Variants in GCNT1 observed in about 807,000 individuals in gnomAD.
GCNT1 encodes beta-1,3-galactosyl-O-glycosyl-glycoprotein beta-1,6-N-acetylglucosaminyltransferase.
Under a neutral mutation model 26.2 loss-of-function variants are expected in GCNT1, and 16 were observed. The observed-to-expected ratio is 0.61, with a 90% CI of 0.41 to 0.93. GCNT1 has a LOEUF of 0.93. Among genes scored for constraint, GCNT1 ranks in the 40% least tolerant of loss-of-function variants. The pLI, the probability that GCNT1 is intolerant of heterozygous loss-of-function variation, is 0.00. For synonymous variants in GCNT1, 183 were observed against 190.8 expected (o/e 0.96, Z 0.34); for missense variants, 477 against 526.7 (o/e 0.91, Z 0.92).
In GCNT1 at chr9:76,506,759, TTA is replaced by T. The variant is rs1389508432; in HGVS notation, c.*3093_*3094del. On this transcript the variant is annotated 3_prime_UTR_variant, in exon 4 of 4. Coordinates refer to ENST00000376730, the MANE Select transcript of GCNT1 (RefSeq NM_001490.5). ...AGTGTTGTTGTTTCTAAACATATAT[TTA>T]TGTCATTTATTAAGTACAGTTCACT... 1 of 167,072 alleles carries T rather than the reference TTA, an allele frequency of 6.0e-6. No homozygotes were observed. Among genetic ancestry groups the T allele is most frequent in the Non-Finnish European group, 1.5e-5 (1 of 68,114 alleles). 10.3% of individuals were successfully genotyped at this position (167,072 alleles called of 1,614,324 possible).
At chr9:76,432,570 G>C (rs1460537078) in intron 1 of GCNT1, among the ~76,000 whole-genome samples, 1 of 152,102 alleles carries the variant, frequency 6.6e-6, no homozygotes, top group African/African-American at 2.4e-5. Context: ...GAACTCCTGA[G>C]CCTAGGTGAT....
intron 2 of GCNT1, among the ~76,000 whole-genome samples, chr9:76,488,657 G>A (rs1335504817): frequency 1.3e-5 from 2 of 151,998 alleles, no homozygotes; most frequent in African/African-American, 4.8e-5. Context: ...GCTAATTTTT[G>A]TACTTTTAGT....
At chr9:76,398,883 C>T in the GCNT1 span, 3 of 1,531,578 alleles carry the variant, frequency 2.0e-6, no homozygotes, top group Non-Finnish European at 2.7e-6. Context: ...CTGCTGGCAG[C>T]TAGTGCTATT....
At chr9:76,471,457 C>T (rs547242139) in intron 2 of GCNT1, among the ~76,000 whole-genome samples, 20 of 152,282 alleles carry the variant, frequency 1.3e-4, no homozygotes, top group African/African-American at 4.8e-4. Flanking sequence ...CGCTTGACTT[C>T]CACAAACCCC....
upstream of GCNT1, among the ~76,000 whole-genome samples, chr9:76,454,589 C>T (rs1823722641): frequency 6.6e-6 from 1 of 150,976 alleles, no homozygotes. Flanking sequence ...CCCCATAATC[C>T]CCACGTGGTG....
At chr9:76,400,398 G>A in the GCNT1 span, among the ~76,000 whole-genome samples, 7 of 152,270 alleles carry the variant, frequency 4.6e-5, 2 homozygotes, top group Admixed American at 4.6e-4. Context: ...CTGCACAGGT[G>A]TAGCCAACTC....
chr9:76,490,151 A>G (rs549782147), intron 2 of GCNT1, among the ~76,000 whole-genome samples: 4 of 152,318 alleles, frequency 2.6e-5, no homozygotes, highest in African/African-American at 9.6e-5. Context: ...CTTTTCCTCT[A>G]AGTGCCGGGC....
chr9:76,486,900 A>G (rs1043841386), intron 2 of GCNT1, among the ~76,000 whole-genome samples: 2 of 150,490 alleles, frequency 1.3e-5, no homozygotes, highest in African/African-American at 4.9e-5. Context: ...CAATGGTGAG[A>G]CCCTCATCTC....
At chr9:76,484,786 C>CTTTTTTTTTT (rs33956720) in intron 2 of GCNT1, among the ~76,000 whole-genome samples, 5 of 126,190 alleles carry the variant, frequency 4.0e-5, no homozygotes, top group Non-Finnish European at 6.6e-5. Context: ...ACCATGATTG[C>CTTTTTTTTTT]TTTTTTTTTT....
chr9:76,502,609 G>C lies in GCNT1; in HGVS notation c.228G>C (p.Glu76Asp). 6.2e-7 allele frequency: 1 copy of C among 1,613,824 alleles called. No homozygotes were observed. The highest frequency in any genetic ancestry group is 8.5e-7 in the Non-Finnish European group (1 of 1,179,860). ...ATGAAATCCAAAAGGTAAAGCTTGA[G>C]ATCCTAACAGTGAAATTTAAAAAGC... ...DVNEIQKVKLEILTVKFKKRP... is the reference protein window; with the variant it reads ...DVNEIQKVKLDILTVKFKKRP... Residue 76 changes from glutamate (E) to aspartate (D), a missense_variant, in exon 4 of 4, where the codon GAG (glutamate) becomes GAC (aspartate). By Grantham distance (45) the Glu-to-Asp change is conservative. Coordinates refer to ENST00000376730, the MANE Select transcript of GCNT1 (RefSeq NM_001490.5).
chr9:76,413,653 G>GTTTTTTTTTTTTTTTT, the GCNT1 span, among the ~76,000 whole-genome samples: 13 of 118,684 alleles, frequency 1.1e-4, no homozygotes, highest in East Asian at 5.5e-4. Flanking sequence ...GTTTTGTTTT[G>GTTTTTTTTTTTTTTTT]TTTTTTTTTT....
At chr9:76,402,861 G>A in the GCNT1 span, among the ~76,000 whole-genome samples, 1 of 152,036 alleles carries the variant, frequency 6.6e-6, no homozygotes, top group Non-Finnish European at 1.5e-5. Flanking sequence ...TGTGTTTTTA[G>A]TAGAGACGGG....
chr9:76,438,363 C>T (rs1166588226), upstream of GCNT1, among the ~76,000 whole-genome samples: 1 of 152,104 alleles, frequency 6.6e-6, no homozygotes, highest in East Asian at 1.9e-4. Flanking sequence ...AAAGGAGACA[C>T]GAATGTCTGG....
intron 1 of GCNT1, among the ~76,000 whole-genome samples, chr9:76,427,203 T>G (rs1823269636): frequency 6.6e-6 from 1 of 151,300 alleles, no homozygotes; most frequent in Non-Finnish European, 1.5e-5. Context: ...AACACCTTTT[T>G]TTTTTTTTTT....
the GCNT1 span, among the ~76,000 whole-genome samples, chr9:76,406,642 A>G: frequency 6.6e-6 from 1 of 152,174 alleles, no homozygotes; most frequent in African/African-American, 2.4e-5. Context: ...CGAAGGTTGC[A>G]GTGAGTCGAG....
At chr9:76,487,759 G>A (rs775292909) in intron 2 of GCNT1, among the ~76,000 whole-genome samples, 52 of 152,128 alleles carry the variant, frequency 3.4e-4, no homozygotes, top group Admixed American at 6.5e-4. Context: ...TTTGAGACAG[G>A]GTCTCACTCC....
At chr9:76,476,850 C>G (rs1278163415) in intron 2 of GCNT1, among the ~76,000 whole-genome samples, 1 of 152,158 alleles carries the variant, frequency 6.6e-6, no homozygotes, top group Non-Finnish European at 1.5e-5. Flanking sequence ...TGCGGTCATA[C>G]CTACTTATAT....
upstream of GCNT1, among the ~76,000 whole-genome samples, chr9:76,440,790 G>A (rs1292749000): frequency 6.6e-6 from 1 of 152,102 alleles, no homozygotes; most frequent in Non-Finnish European, 1.5e-5. Flanking sequence ...TGCCTGCCGG[G>A]TGCAGTGACT....
intron 2 of GCNT1, among the ~76,000 whole-genome samples, chr9:76,463,569 G>A (rs201128971): frequency 4.6e-5 from 7 of 152,146 alleles, no homozygotes; most frequent in East Asian, 3.9e-4. Context: ...TTGATTTTTC[G>A]TTTGCTAAAG....
Sources: allele counts gnomAD v4.1 joint callset (sites outside exome capture counted in the v4.1 genomes callset), GRCh38; gene constraint gnomAD v4.1.1; transcripts MANE v1.5; gene names NCBI Gene and HGNC (gene_info 2026-07-23, HGNC 2026-07-21).